EFCAB8: variants seen among roughly 807,000 people sequenced by gnomAD.
The protein encoded by EFCAB8 is EF-hand calcium-binding domain-containing protein 8.
In EFCAB8, 100 loss-of-function variants were observed where a neutral mutation model predicts 116.3. That is an observed-to-expected ratio of 0.86 (90% confidence interval 0.73 to 1.02). The LOEUF (loss-of-function observed/expected upper bound fraction) is 1.02, where lower values mean the gene tolerates loss of function less well. EFCAB8 is among the 50% of genes least tolerant of loss of function. The probability of loss-of-function intolerance (pLI) is 0.00; values close to 1 mark genes in which losing one functional copy is unlikely to be tolerated. For missense variants in EFCAB8, 1,320 were observed against 1,416.9 expected (o/e 0.93, Z 1.10); for synonymous variants, 558 against 567.9 (o/e 0.98, Z 0.25).
intron 3 of EFCAB8, among the ~76,000 whole-genome samples, chr20:32,874,577 G>A (rs1003600516): frequency 2.0e-5 from 3 of 150,648 alleles, no homozygotes; most frequent in African/African-American, 7.3e-5. Flanking sequence ...AGTCTCACTC[G>A]GTCGCTCAGG....
chr20:32,945,300 T>G (rs183143184), intron 23 of EFCAB8, among the ~76,000 whole-genome samples: 1 of 152,110 alleles, frequency 6.6e-6, no homozygotes, highest in Non-Finnish European at 1.5e-5. Context: ...GGACTACAGG[T>G]GCATGCCATC....
chr20:32,878,357 C>T (rs1985099001), intron 4 of EFCAB8, among the ~76,000 whole-genome samples: 1 of 152,062 alleles, frequency 6.6e-6, no homozygotes, highest in Non-Finnish European at 1.5e-5. Flanking sequence ...CACACCACTG[C>T]ACTCCAGCCT....
At chr20:32,936,731 A>G (rs1049732542) in intron 22 of EFCAB8, among the ~76,000 whole-genome samples, 1 of 152,148 alleles carries the variant, frequency 6.6e-6, no homozygotes, top group Non-Finnish European at 1.5e-5. Context: ...ATATATTTTG[A>G]AATCAGGGAC....
At chr20:32,933,971 C>T (rs147568971) in intron 22 of EFCAB8, among the ~76,000 whole-genome samples, 2,504 of 151,832 alleles carry the variant, frequency 0.016, 79 homozygotes, top group African/African-American at 0.055. Context: ...AGTGAGACTC[C>T]GTCTCAAAAA....
intron 1 of EFCAB8, among the ~76,000 whole-genome samples, chr20:32,861,514 C>T (rs1486104970): frequency 6.6e-6 from 1 of 152,162 alleles, no homozygotes; most frequent in Non-Finnish European, 1.5e-5. Flanking sequence ...GTCTTGAACT[C>T]CTGACATCAG....
At chr20:32,881,846 A>G (rs891343880) in intron 5 of EFCAB8, among the ~76,000 whole-genome samples, 4 of 152,142 alleles carry the variant, frequency 2.6e-5, no homozygotes, top group Admixed American at 6.5e-5. Flanking sequence ...TGAAGGCGCA[A>G]TCCACCCCCA....
At chr20:32,893,547 C>T (rs754779034) in intron 9 of EFCAB8, among the ~76,000 whole-genome samples, 11 of 152,122 alleles carry the variant, frequency 7.2e-5, no homozygotes, top group Non-Finnish European at 1.5e-4. Flanking sequence ...TGTGCGGGTG[C>T]GGTCTGGGGG....
At chr20:32,915,345 G>T (rs1268923030) in intron 17 of EFCAB8, among the ~76,000 whole-genome samples, 1 of 152,146 alleles carries the variant, frequency 6.6e-6, no homozygotes, top group Non-Finnish European at 1.5e-5. Flanking sequence ...TTCTTATCTT[G>T]CAAGTTCTAC....
intron 13 of EFCAB8, among the ~76,000 whole-genome samples, chr20:32,907,404 C>T (rs1394782452): frequency 2.0e-5 from 3 of 152,242 alleles, no homozygotes; most frequent in Non-Finnish European, 4.4e-5. Flanking sequence ...CTCTAGTGAC[C>T]CCTCCTCGGC....
At chr20:32,859,307 A>G (rs1983980566) in intron 1 of EFCAB8, among the ~76,000 whole-genome samples, 1 of 152,164 alleles carries the variant, frequency 6.6e-6, no homozygotes, top group African/African-American at 2.4e-5. Context: ...TTTAGGGAAT[A>G]GATTGAGGCA....
intron 22 of EFCAB8, among the ~76,000 whole-genome samples, chr20:32,942,759 T>C (rs1308771495): frequency 6.6e-6 from 1 of 152,194 alleles, no homozygotes; most frequent in Non-Finnish European, 1.5e-5. Context: ...GTAGGTGTTT[T>C]ATGATTTCAT....
intron 5 of EFCAB8, 91 bp downstream of exon 5, chr20:32,878,898 C>T: frequency 9.0e-7 from 1 of 1,112,588 alleles, no homozygotes; most frequent in South Asian, 1.4e-5. Flanking sequence ...AATCCGTGAC[C>T]TTGCTGGTGC....
At position 32,930,542 on chromosome 20, in the gene EFCAB8, G is replaced by A. The variant is rs1055443545; in HGVS notation, c.2557G>A (p.Val853Ile). 2.6e-6 allele frequency: 4 copies of A among 1,552,266 alleles called. No homozygotes were observed. Among genetic ancestry groups the A allele is most frequent in the African/African-American group, 1.4e-5 (1 of 73,060 alleles). Residue 853 changes from valine (V) to isoleucine (I), a missense_variant, in exon 21 of 27, where the codon GTT becomes ATT. Physicochemically the swap from Val to Ile is conservative, Grantham distance 29. Transcript: ENST00000400522. ...CCCTGTGGACCTAGACAATGGGGAT[G>A]TTGTCGTGGGTGCCATGGCCACTGA... ...KFPVDLDNGD[V>I]VVGAMATDKN...
Position 32,911,485 on chromosome 20 carries a change from G to A in EFCAB8, c.1563G>A (p.Val521=). Residue 521 remains valine, a synonymous_variant, in exon 16 of 27, where the codon GTG becomes GTA. Transcript: ENST00000400522. ...CAGCTGTGTGCTCCCTACAGGTGGT[G>A]AGTGGCTGCCTGCGCGGCACAGTGA... ...VLYSKIFKQV[V]SGCLRGTVSV... 6.7e-7 allele frequency: 1 copy of A among 1,488,048 alleles called. No individual in the cohort carries two copies. The highest frequency in any genetic ancestry group is 2.5e-5 in the East Asian group (1 of 40,168). 92.2% of individuals were successfully genotyped at this position (1,488,048 alleles called of 1,614,324 possible).
chr20:32,939,187 CTTT>C (rs1568941753), intron 22 of EFCAB8, among the ~76,000 whole-genome samples: 74 of 67,592 alleles, frequency 1.1e-3, no homozygotes, highest in Admixed American at 1.6e-3. Context: ...TTCTTTCTTT[CTTT>C]CTTTCTTTCT....
At chr20:32,915,506 C>G (rs1987144493) in intron 17 of EFCAB8, among the ~76,000 whole-genome samples, 2 of 152,226 alleles carry the variant, frequency 1.3e-5, no homozygotes, top group Middle Eastern at 3.4e-3. Context: ...ATATTTCTAC[C>G]AAAATTCTGT....
At position 32,918,460 on chromosome 20, in the gene EFCAB8, C is replaced by G. The variant is rs1173651685; in HGVS notation, c.2160C>G (p.Ser720=). The change falls in exon 19 of 27, where the codon TCC becomes TCG. Residue 720 remains serine (S), a synonymous_variant. Coordinates refer to ENST00000400522, the MANE Select transcript of EFCAB8 (RefSeq NM_001143967.2). ...KWTYKTSRKL[S]SLSPESVANT... ...CATACAAGACCTCCAGGAAGCTCTC[C>G]AGTCTCAGCCCCGAGTCTGTGGCCA... 1 of 1,551,778 alleles carries G rather than the reference C, an allele frequency of 6.4e-7. No homozygotes were observed. Among genetic ancestry groups the G allele is most frequent in the Middle Eastern group, 1.7e-4 (1 of 5,992 alleles).
chr20:32,859,697 A>G (rs1343190428), intron 1 of EFCAB8, among the ~76,000 whole-genome samples: 2 of 152,240 alleles, frequency 1.3e-5, no homozygotes, highest in Admixed American at 1.3e-4. Flanking sequence ...TATACATGTT[A>G]CTTGTTAAAC....
chr20:32,878,840 G>A (rs1343768428), intron 5 of EFCAB8, 33 bp downstream of exon 5: 1 of 1,534,924 alleles, frequency 6.5e-7, no homozygotes, highest in Non-Finnish European at 8.8e-7. Flanking sequence ...TTGGTGGGTG[G>A]GGTGACTGGA....
Sources: gnomAD v4.1 joint callset for allele counts (sites outside exome capture counted in the v4.1 genomes callset) on GRCh38, gnomAD v4.1.1 for gene constraint, MANE v1.5 for transcripts, NCBI Gene and HGNC (gene_info 2026-07-23, HGNC 2026-07-21) for gene names.